OTUD5: variants seen among roughly 807,000 people sequenced by gnomAD.
OTUD5 encodes the protein OTU domain-containing protein 5.
Under a neutral mutation model 36.3 loss-of-function variants are expected in OTUD5, and 2 were observed. The observed-to-expected ratio is 0.06, with a 90% confidence interval of 0.02 to 0.17. OTUD5 has a LOEUF of 0.17. Ranked by LOEUF, OTUD5 falls within the 10% of genes least tolerant of loss-of-function variation. The probability of loss-of-function intolerance (pLI) is 1.00; values close to 1 mark genes in which losing one functional copy is unlikely to be tolerated. For synonymous variants in OTUD5, 234 were observed against 214.9 expected (o/e 1.09, Z -0.78); for missense variants, 233 against 512.3 (o/e 0.45, Z 5.26).
upstream of OTUD5, chrX:48,957,737 CGGCGGCGGCGGCGGT>C (rs1162417466): frequency 5.0e-4 from 385 of 772,259 alleles, no homozygotes; most frequent in Non-Finnish European, 5.4e-4. Flanking sequence ...GAGGCGGCGG[CGGCGGCGGCGGCGGT>C]GGCGGCGCGC....
At chrX:48,942,179 C>A (rs2063935936) in intron 2 of OTUD5, among the ~76,000 whole-genome samples, 1 of 105,472 alleles carries the variant, frequency 9.5e-6, no homozygotes, top group Non-Finnish European at 2.0e-5. Flanking sequence ...AAGCCAGGTC[C>A]TCACTAGCTA....
Position 48,922,755 on chromosome X carries a change from CG to C in OTUD5, c.*418del, listed in dbSNP as rs2063600532. 2 of 762,158 alleles carry C rather than the reference CG, an allele frequency of 2.6e-6. No individual in the cohort carries two copies. The highest frequency in any genetic ancestry group is 2.3e-5 in the African/African-American group (1 of 43,410). 62.8% of individuals were successfully genotyped at this position (762,158 alleles called of 1,213,427 possible). On this transcript the variant is annotated 3_prime_UTR_variant, in exon 9 of 9. Transcript: ENST00000376488. ...CCTCCCACCTCCCTGGCATCAGTGT[CG>C]GGGGGTGGCGGCAAGTTTTTCTCAT...
upstream of OTUD5, chrX:48,957,876 C>G (rs2064285379): frequency 1.4e-6 from 1 of 706,451 alleles, no homozygotes; most frequent in South Asian, 7.0e-5. Context: ...TTGTTCCGGC[C>G]TTCTGCTTCA....
chrX:48,922,778 T>C lies in OTUD5; in HGVS notation c.*396A>G. 1.3e-6 allele frequency: 1 copy of C among 767,492 alleles called. No individual in the cohort carries two copies. The allele number at this position is 767,492 out of a possible 1,213,427, so 63.2% of individuals were successfully genotyped here. ...GTCGGGGGGTGGCGGCAAGTTTTTCTCATCTTGGAAGGAATGAGGGGCAGG... is the reference window on the plus strand; with the variant it reads ...GTCGGGGGGTGGCGGCAAGTTTTTCCCATCTTGGAAGGAATGAGGGGCAGG... On this transcript the variant is annotated 3_prime_UTR_variant, in exon 9 of 9. Transcript: ENST00000376488.
chrX:48,930,518 A>C (rs182519745), intron 5 of OTUD5, among the ~76,000 whole-genome samples: 61 of 112,366 alleles, frequency 5.4e-4, no homozygotes, highest in African/African-American at 1.8e-3. Context: ...ATATGTGTAC[A>C]AAGGCCACTA....
chrX:48,954,281 G>A (rs2064197541), intron 1 of OTUD5, among the ~76,000 whole-genome samples: 1 of 111,083 alleles, frequency 9.0e-6, no homozygotes, highest in Non-Finnish European at 1.9e-5. Flanking sequence ...TTCTTATGGG[G>A]ACAAGTATAA....
upstream of OTUD5, chrX:48,957,812 T>G (rs2064284016): frequency 1.3e-6 from 1 of 768,278 alleles, no homozygotes. Context: ...ATGAAGGCAG[T>G]GCGGCGAGTT....
Position 48,922,332 on chromosome X carries a change from G to A in OTUD5, c.*842C>T, listed in dbSNP as rs782709839. 16 of 131,389 alleles carry A rather than the reference G, an allele frequency of 1.2e-4. No individual in the cohort carries two copies. Among genetic ancestry groups the A allele is most frequent in the African/African-American group, 4.8e-4 (15 of 31,158 alleles). The allele number at this position is 131,389 out of a possible 1,213,427, so 10.8% of individuals were successfully genotyped here. A position where few individuals can be genotyped will look rare whatever the true frequency, so the allele number is the denominator to read the frequency against. ...CCCACACTCCCTACACTCAAATCCC[G>A]GGTGGCAGCCATAATCCCCAAAGAT... On this transcript the variant is annotated 3_prime_UTR_variant, in exon 9 of 9. Transcript: ENST00000376488.
At chrX:48,949,686 AT>A (rs2064098158) in intron 1 of OTUD5, among the ~76,000 whole-genome samples, 1 of 109,949 alleles carries the variant, frequency 9.1e-6, no homozygotes, top group Admixed American at 9.7e-5. Context: ...TCAAAAACAA[AT>A]AAATAAACAC....
chrX:48,939,494 G>C (rs2063883684), intron 2 of OTUD5, among the ~76,000 whole-genome samples: 1 of 111,501 alleles, frequency 9.0e-6, no homozygotes, highest in Admixed American at 9.5e-5. Context: ...ATACAGCAGA[G>C]ACTGCCAAAG....
chrX:48,949,916 A>G (rs1319077472), intron 1 of OTUD5, among the ~76,000 whole-genome samples: 1 of 110,585 alleles, frequency 9.0e-6, no homozygotes, highest in Non-Finnish European at 1.9e-5. Flanking sequence ...TGGGAGGCCG[A>G]GGCGGGTGGA....
At chrX:48,950,106 G>A (rs1378566583) in intron 1 of OTUD5, among the ~76,000 whole-genome samples, 2 of 99,717 alleles carry the variant, frequency 2.0e-5, no homozygotes, top group African/African-American at 3.8e-5. Context: ...CCGAGACTGC[G>A]CCTGGGTGAC....
At chrX:48,956,182 G>A (rs2064234824) in intron 1 of OTUD5, among the ~76,000 whole-genome samples, 1 of 112,216 alleles carries the variant, frequency 8.9e-6, no homozygotes, top group Non-Finnish European at 1.9e-5. Context: ...TCAGAAAGGA[G>A]ATAAGTAAAG....
intron 2 of OTUD5, among the ~76,000 whole-genome samples, chrX:48,940,967 T>C (rs1602402493): frequency 1.8e-5 from 2 of 111,286 alleles, no homozygotes; most frequent in African/African-American, 6.5e-5. Flanking sequence ...TATAGGAAGA[T>C]AATCCAGGGG....
At chrX:48,957,881 G>A (rs1378637325), upstream of OTUD5, 51 of 694,488 alleles carry the variant, frequency 7.3e-5, no homozygotes, top group Non-Finnish European at 2.9e-5. Flanking sequence ...CCGGCCTTCT[G>A]CTTCAAAGGA....
intron 1 of OTUD5, among the ~76,000 whole-genome samples, chrX:48,954,036 CTTCT>C (rs782137910): frequency 9.0e-6 from 1 of 111,633 alleles, no homozygotes; most frequent in Non-Finnish European, 1.9e-5. Context: ...AGAGGATCAC[CTTCT>C]TTGTCCTAAG....
chrX:48,951,105 C>T (rs1186337915), intron 1 of OTUD5, among the ~76,000 whole-genome samples: 1 of 104,195 alleles, frequency 9.6e-6, no homozygotes, highest in African/African-American at 3.6e-5. Flanking sequence ...AACTACTGAC[C>T]CTGCCTATGG....
chrX:48,958,370 G>T (rs1557056436), upstream of OTUD5: 1 of 112,390 alleles, frequency 8.9e-6, no homozygotes, highest in African/African-American at 3.2e-5. Context: ...GAGCATAGCT[G>T]GCCCCTGTAG....
intron 1 of OTUD5, among the ~76,000 whole-genome samples, chrX:48,956,413 C>G (rs1024251166): frequency 5.4e-5 from 6 of 111,382 alleles, no homozygotes; most frequent in Non-Finnish European, 1.1e-4. Context: ...TCTGGCTATT[C>G]AGTGGTCCTG....
Sources: allele counts gnomAD v4.1 joint callset (sites outside exome capture counted in the v4.1 genomes callset), GRCh38; gene constraint gnomAD v4.1.1; transcripts MANE v1.5; gene names NCBI Gene and HGNC (gene_info 2026-07-23, HGNC 2026-07-21).